The following HELT variants were observed in gnomAD, a reference collection of about 807,000 sequenced individuals.
HELT encodes the protein helt bHLH transcription factor, also known as hairy and enhancer of split-related protein HELT.
HELT carries 9 observed loss-of-function variants against 19.5 expected under a neutral mutation model. The ratio of observed to expected loss-of-function variants is 0.46; its 90% CI spans 0.28 to 0.80. The LOEUF is 0.80. HELT is among the 30% of genes least tolerant of loss of function. The pLI, the probability that HELT is intolerant of heterozygous loss-of-function variation, is 0.12. For synonymous variants in HELT, 162 were observed against 148.3 expected, an observed-to-expected ratio of 1.09 and a Z score of -0.67; for missense variants, 366 against 326.3, an observed-to-expected ratio of 1.12 and a Z score of -0.94.
Position 185,020,446 on chromosome 4 carries a change from C to G in HELT, c.403C>G (p.Pro135Ala), listed in dbSNP as rs142803398. ...CCGCCTGGGCGCGGAGCCCGCCTTT[C>G]CGCCGCTGGGTTCGCTCCCGGAGCC... ...KARLGAEPAFPPLGSLPEPDF... is the reference protein window; with the variant it reads ...KARLGAEPAFAPLGSLPEPDF... The change falls in exon 4 of 4, where the codon CCG (proline) becomes GCG (alanine). Residue 135 changes from proline (P) to alanine (A), a missense_variant. By Grantham distance (27) the Pro-to-Ala change is conservative (BLOSUM62 -1). Coordinates refer to ENST00000515777, the MANE Select transcript of HELT (RefSeq NM_001300781.2). 57 of 1,613,942 alleles carry G rather than the reference C, an allele frequency of 3.5e-5. No individual in the cohort carries two copies. Among genetic ancestry groups the G allele is most frequent in the Admixed American group, 2.2e-4 (13 of 60,006 alleles).
chr4:185,020,059 C>T (rs1196008348), intron 3 of HELT, among the ~76,000 whole-genome samples: 1 of 147,084 alleles, frequency 6.8e-6, no homozygotes, highest in Non-Finnish European at 1.5e-5. Flanking sequence ...CCACCTCCTT[C>T]TCCCGGGTGG....
chr4:185,018,853 C>A lies in HELT; in HGVS notation c.-76C>A, dbSNP rs1482471130. 1 of 1,491,816 alleles carries A rather than the reference C, an allele frequency of 6.7e-7. No individual in the cohort carries two copies. Among genetic ancestry groups the A allele is most frequent in the African/African-American group, 1.4e-5 (1 of 72,112 alleles). 92.4% of individuals were successfully genotyped at this position (1,491,816 alleles called of 1,614,324 possible). ...GAGGCTGCAGTCTACCTGGGACACT[C>A]GAGGAGGCACACGAGGCGGAAAAGT... is the stretch of plus-strand genomic sequence containing the variant. On this transcript the variant is annotated 5_prime_UTR_variant, in exon 1 of 4. Transcript: ENST00000515777.
At chr4:185,019,868 C>T in intron 3 of HELT, 25 bp downstream of exon 3, 1 of 1,597,362 alleles carries the variant, frequency 6.3e-7, no homozygotes, top group Non-Finnish European at 8.6e-7. Context: ...GGGAATGGGA[C>T]GCCTGGGCCA....
In HELT at chr4:185,020,771, G is replaced by A. The variant is rs777366342; in HGVS notation, c.728G>A (p.Ter243=). Residue 243 remains the stop codon, a stop_retained_variant, in exon 4 of 4, where the codon TGA becomes TAA. Coordinates refer to ENST00000515777, the MANE Select transcript of HELT (RefSeq NM_001300781.2). ...LHTPQHPPVL[*] is the part of the protein sequence containing the mutation. ...ACGCCCCAGCACCCCCCGGTGCTCT[G>A]ACGCCCACTCGCCCGCCAGATTTCT... is the stretch of plus-strand genomic sequence containing the variant. 6.6e-7 allele frequency: 1 copy of A among 1,517,602 alleles called. No homozygotes were observed. Among genetic ancestry groups the A allele is most frequent in the African/African-American group, 1.4e-5 (1 of 70,678 alleles). 94.0% of individuals were successfully genotyped at this position (1,517,602 alleles called of 1,614,324 possible).
Position 185,018,857 on chromosome 4 carries a change from G to A in HELT, c.-72G>A, listed in dbSNP as rs1239621965. On this transcript the variant is annotated 5_prime_UTR_variant, in exon 1 of 4. Coordinates refer to ENST00000515777, the MANE Select transcript of HELT (RefSeq NM_001300781.2). ...CTGCAGTCTACCTGGGACACTCGAG[G>A]AGGCACACGAGGCGGAAAAGTGGAC... 2 of 1,495,342 alleles carry A rather than the reference G, an allele frequency of 1.3e-6. No individual in the cohort carries two copies. The highest frequency in any genetic ancestry group is 1.8e-6 in the Non-Finnish European group (2 of 1,101,836). 92.6% of individuals were successfully genotyped at this position (1,495,342 alleles called of 1,614,324 possible). A position where few individuals can be genotyped will look rare whatever the true frequency, so the allele number is the denominator to read the frequency against.
chr4:185,018,493 C>A lies in HELT; in HGVS notation c.-436C>A, dbSNP rs373654170. On this transcript the variant is annotated 5_prime_UTR_variant, in exon 1 of 4. Coordinates refer to ENST00000515777, the MANE Select transcript of HELT (RefSeq NM_001300781.2). The stretch of plus-strand genomic sequence containing the variant: ...CGCCCCCCGGTGCCCGCGGCCGCTG[C>A]GCCCCTGCGCTCCGCGCCCGCGACT... Among the ~76,000 whole-genome samples, 1 of 152,088 alleles carries A rather than the reference C, an allele frequency of 6.6e-6. No homozygotes were observed. Among genetic ancestry groups the A allele is most frequent in the Non-Finnish European group, 1.5e-5 (1 of 67,992 alleles).
At chr4:185,019,001 G>T (rs1208583637) in intron 1 of HELT, 46 bp downstream of exon 1, 1 of 1,613,994 alleles carries the variant, frequency 6.2e-7, no homozygotes, top group Admixed American at 1.7e-5. Context: ...GGTGGTGGAG[G>T]CATCTGACTC....
Position 185,020,903 on chromosome 4 carries a change from C to T in HELT, c.*131C>T, listed in dbSNP as rs1734059675. ...TGGGGGAGGCAAAGAGCGAATGAGT[C>T]TTCTGAAGGATCTCCCCCTGGTAAT... On this transcript the variant is annotated 3_prime_UTR_variant, in exon 4 of 4. Transcript: ENST00000515777. The T allele has an allele frequency of 9.2e-7, 1 of 1,087,036 alleles. No homozygotes were observed. Among genetic ancestry groups the T allele is most frequent in the Non-Finnish European group, 1.2e-6 (1 of 810,430 alleles). The allele number at this position is 1,087,036 out of a possible 1,614,324, so 67.3% of individuals were successfully genotyped here. A position where few individuals can be genotyped will look rare whatever the true frequency, so the allele number is the denominator to read the frequency against.
In HELT at chr4:185,020,718, C is replaced by T. The variant is rs143726117; in HGVS notation, c.675C>T (p.His225=). The T allele has an allele frequency of 3.4e-5, 54 of 1,593,560 alleles. No homozygotes were observed. The highest frequency in any genetic ancestry group is 4.4e-5 in the Non-Finnish European group (52 of 1,175,204). The change falls in exon 4 of 4, where the codon CAC becomes CAT. Residue 225 remains histidine (H), a synonymous_variant. Coordinates refer to ENST00000515777, the MANE Select transcript of HELT (RefSeq NM_001300781.2). The part of the protein sequence containing the change: ...LDRHYLNLIG[H]AHPNALNLHT... ...GGCATTACCTCAACCTGATCGGCCA[C>T]GCGCACCCCAACGCCCTTAACCTGC...
intron 1 of HELT, 155 bp from the exon 2 acceptor site, chr4:185,019,232 A>G: frequency 8.4e-7 from 1 of 1,188,956 alleles, no homozygotes. Context: ...GGCAGAGCTC[A>G]CCTGGCCCGA....
chr4:185,020,205 G>A, intron 3 of HELT, 68 bp from the exon 4 acceptor site: 1 of 1,567,982 alleles, frequency 6.4e-7, no homozygotes, highest in Non-Finnish European at 8.7e-7. Context: ...CCCTGCACCC[G>A]CTTTGGGCTC....
At chr4:185,019,152 C>A in intron 1 of HELT, 197 bp downstream of exon 1, 1 of 1,522,872 alleles carries the variant, frequency 6.6e-7, no homozygotes, top group Non-Finnish European at 8.9e-7. Flanking sequence ...TGCCTGGAGG[C>A]TGGCGGCCAC....
At position 185,020,907 on chromosome 4, in the gene HELT, T is replaced by C; in HGVS notation, c.*135T>C. On this transcript the variant is annotated 3_prime_UTR_variant, in exon 4 of 4. Transcript: ENST00000515777. ...GGAGGCAAAGAGCGAATGAGTCTTC[T>C]GAAGGATCTCCCCCTGGTAATAAAC... The C allele has an allele frequency of 1.9e-6, 2 of 1,046,386 alleles. No homozygotes were observed. The highest frequency in any genetic ancestry group is 2.6e-6 in the Non-Finnish European group (2 of 774,206). The allele number at this position is 1,046,386 out of a possible 1,614,324, so 64.8% of individuals were successfully genotyped here. A position where few individuals can be genotyped will look rare whatever the true frequency, so the allele number is the denominator to read the frequency against.
rs1734032923 is a variant in HELT at position 185,020,289 on chromosome 4, G to C, written c.246G>C (p.Glu82Asp). 3.1e-6 allele frequency: 5 copies of C among 1,613,560 alleles called. No individual in the cohort carries two copies. The highest frequency in any genetic ancestry group is 4.2e-6 in the Non-Finnish European group (5 of 1,179,638). Residue 82 changes from glutamate to aspartate, a missense_variant, in exon 4 of 4, where the codon GAG becomes GAC. Glu to Asp is a conservative substitution (Grantham distance 45). Transcript: ENST00000515777. ...RGREKAELLA[E>D]FANYFHYGYH... Reference sequence around the variant, plus strand: ...TTCCTCCAGCAGAACTTCTAGCGGAGTTTGCCAACTACTTCCACTATGGCT... The same window carrying C: ...TTCCTCCAGCAGAACTTCTAGCGGACTTTGCCAACTACTTCCACTATGGCT...
Position 185,019,303 on chromosome 4 carries a change from G to A in HELT, c.28-84G>A, listed in dbSNP as rs1017823483. 1.3e-5 allele frequency: 16 copies of A among 1,231,724 alleles called. No individual in the cohort carries two copies. The Admixed American group carries it at 2.9e-4, about 22-fold the overall frequency. 76.3% of individuals were successfully genotyped at this position (1,231,724 alleles called of 1,614,324 possible). On this transcript the variant is annotated intron_variant, in intron 1 of 3. Transcript: ENST00000515777. ...CTGAGCAGTGTGCGCGGCTGGAGAG[G>A]CGGCTTGCACCCAGCTGCTAGAGCC...
In HELT at chr4:185,018,531, T is replaced by G. The variant is rs1171279376; in HGVS notation, c.-398T>G. 6.6e-6 allele frequency among the ~76,000 whole-genome samples: 1 copy of G among 152,112 alleles called. No individual in the cohort carries two copies. The highest frequency in any genetic ancestry group is 2.4e-5 in the African/African-American group (1 of 41,432). On this transcript the variant is annotated 5_prime_UTR_variant, in exon 1 of 4. Coordinates refer to ENST00000515777, the MANE Select transcript of HELT (RefSeq NM_001300781.2). ...CGCGCCCGCGACTGCTGCAGGCGCT[T>G]GCTCGCCCGCCGGCCCCAGTTTACC...
chr4:185,020,192 G>T, intron 3 of HELT, 81 bp from the exon 4 acceptor site: 1 of 1,551,216 alleles, frequency 6.4e-7, no homozygotes, highest in Non-Finnish European at 8.7e-7. Flanking sequence ...GTGGTGGGAG[G>T]TGCCCTGCAC....
At chr4:185,019,290 C>T (rs1007479824) in intron 1 of HELT, 97 bp from the exon 2 acceptor site, 5 of 1,172,050 alleles carry the variant, frequency 4.3e-6, no homozygotes, top group Non-Finnish European at 4.9e-6. Context: ...GAGCAGTGTG[C>T]GCGGCTGGAG....
Position 185,020,682 on chromosome 4 carries a change from G to T in HELT, c.639G>T (p.Gln213His). 6.2e-7 allele frequency: 1 copy of T among 1,604,344 alleles called. No homozygotes were observed. Among genetic ancestry groups the T allele is most frequent in the Non-Finnish European group, 8.5e-7 (1 of 1,179,242 alleles). Residue 213 changes from glutamine to histidine, a missense_variant, in exon 4 of 4, where the codon CAG becomes CAT. By Grantham distance (24) the Gln-to-His change is conservative. Transcript: ENST00000515777. Reference protein sequence around the residue: ...QQHSPFLTPVQGLDRHYLNLI... With the variant: ...QQHSPFLTPVHGLDRHYLNLI... ...ACAGCCCCTTCCTGACACCGGTGCAGGGCCTGGACCGGCATTACCTCAACC... is the reference window on the plus strand; with the variant it reads ...ACAGCCCCTTCCTGACACCGGTGCATGGCCTGGACCGGCATTACCTCAACC...
Sources: gnomAD v4.1 joint callset for allele counts (sites outside exome capture counted in the v4.1 genomes callset) on GRCh38, gnomAD v4.1.1 for gene constraint, MANE v1.5 for transcripts, NCBI Gene and HGNC (gene_info 2026-07-23, HGNC 2026-07-21) for gene names.